EXOC4: variants seen among roughly 807,000 people sequenced by gnomAD.
EXOC4 encodes exocyst complex component 4.
Under a neutral mutation model 107.2 loss-of-function variants are expected in EXOC4, and 71 were observed. The observed-to-expected ratio is 0.66, with a 90% CI of 0.55 to 0.81. The LOEUF is 0.81. EXOC4 is among the 30% of genes least tolerant of loss of function. EXOC4 has a pLI of 0.00. For missense variants in EXOC4, 1,108 were observed against 1,189.6 expected (o/e 0.93, Z 1.01); for synonymous variants, 456 against 441.2 (o/e 1.03, Z -0.42).
At chr7:133,462,866 A>G (rs1427455763) in intron 7 of EXOC4, among the ~76,000 whole-genome samples, 2 of 152,200 alleles carry the variant, frequency 1.3e-5, no homozygotes, top group Non-Finnish European at 2.9e-5. Context: ...AAAAGAACCA[A>G]TAGGAACTCA....
intron 14 of EXOC4, among the ~76,000 whole-genome samples, chr7:133,959,781 A>G (rs948468217): frequency 5.9e-5 from 9 of 152,130 alleles, no homozygotes; most frequent in Non-Finnish European, 1.3e-4. Flanking sequence ...CAAAAGTGGC[A>G]GAGGAAGTTA....
intron 7 of EXOC4, among the ~76,000 whole-genome samples, chr7:133,434,858 C>A (rs1006509130): frequency 6.6e-6 from 1 of 152,060 alleles, no homozygotes; most frequent in Non-Finnish European, 1.5e-5. Flanking sequence ...CAATGGCTAT[C>A]TTTGTTCTGA....
chr7:133,837,340 T>TTGG (rs1797938991), intron 11 of EXOC4, among the ~76,000 whole-genome samples: 1 of 152,158 alleles, frequency 6.6e-6, no homozygotes, highest in African/African-American at 2.4e-5. Context: ...GCAGAGGGTA[T>TTGG]TGGACCTCTT....
At chr7:133,629,248 C>T (rs1472220923) in intron 9 of EXOC4, among the ~76,000 whole-genome samples, 2 of 151,764 alleles carry the variant, frequency 1.3e-5, no homozygotes, top group African/African-American at 4.8e-5. Context: ...AATAGTGTGT[C>T]TTATAATCAT....
chr7:133,435,605 G>A (rs750649194), intron 7 of EXOC4, among the ~76,000 whole-genome samples: 1 of 152,114 alleles, frequency 6.6e-6, no homozygotes, highest in South Asian at 2.1e-4. Flanking sequence ...CTTAGTTTCT[G>A]CTATTCTTAG....
rs534704590 is a variant in EXOC4, at chr7:133,382,507, T to C, written c.1182+7505T>C. 3.9e-5 allele frequency among the ~76,000 whole-genome samples: 6 copies of C among 152,296 alleles called. No homozygotes were observed. In the East Asian group the frequency reaches 1.2e-3, roughly 29 times the overall value. ...TTGGTTAAGTTTCTATGTACAGTTTTACACATGGGGCTGATTTAGTTTTCA... is the reference window on the plus strand; with the variant it reads ...TTGGTTAAGTTTCTATGTACAGTTTCACACATGGGGCTGATTTAGTTTTCA... On this transcript the variant is annotated intron_variant, in intron 7 of 17. Transcript: ENST00000253861.
intron 14 of EXOC4, among the ~76,000 whole-genome samples, chr7:133,996,866 AACTGTGGACATTCCGCAT>A (rs1214897164): frequency 6.6e-6 from 1 of 152,228 alleles, no homozygotes; most frequent in African/African-American, 2.4e-5. Flanking sequence ...ATGGGTGAAG[AACTGTGGACATTCCGCAT>A]AGAAAAGGGA....
chr7:133,356,535 T>TCA lies in EXOC4; in HGVS notation c.970_971dup (p.Gln324HisfsTer17). The stretch of plus-strand genomic sequence containing the variant: ...CAACCCAGGTGGCAGACAGTGGCTA[T>TCA]CAGCGGGGGGAGAACGTTACTGTGG... On this transcript the variant is annotated frameshift_variant, in exon 6 of 18. Transcript: ENST00000253861. LOFTEE classifies it high-confidence loss of function. 6.2e-7 allele frequency: 1 copy of TCA among 1,614,074 alleles called. No homozygotes were observed. Among genetic ancestry groups the TCA allele is most frequent in the Non-Finnish European group, 8.5e-7 (1 of 1,179,980 alleles).
intron 10 of EXOC4, among the ~76,000 whole-genome samples, chr7:133,799,696 A>G (rs1796892675): frequency 6.6e-6 from 1 of 152,200 alleles, no homozygotes; most frequent in African/African-American, 2.4e-5. Flanking sequence ...AGTAAAAGCC[A>G]TTGAAAGTTT....
chr7:133,742,118 A>G (rs1049772630), intron 10 of EXOC4, among the ~76,000 whole-genome samples: 9 of 152,322 alleles, frequency 5.9e-5, no homozygotes, highest in Non-Finnish European at 8.8e-5. Flanking sequence ...GTTGAATACC[A>G]GTCATTAGCC....
chr7:133,626,656 C>CT (rs1482653681), intron 9 of EXOC4, among the ~76,000 whole-genome samples: 1 of 152,174 alleles, frequency 6.6e-6, no homozygotes, highest in Non-Finnish European at 1.5e-5. Flanking sequence ...CCTTCTGTAG[C>CT]TAGCAGGGGT....
chr7:133,939,760 G>A (rs1430697222), intron 14 of EXOC4, among the ~76,000 whole-genome samples: 2 of 152,080 alleles, frequency 1.3e-5, no homozygotes, highest in Non-Finnish European at 2.9e-5. Flanking sequence ...GATAGTTTGG[G>A]CACAGTATTA....
chr7:133,360,492 C>T (rs145438874), intron 6 of EXOC4, among the ~76,000 whole-genome samples: 25 of 152,266 alleles, frequency 1.6e-4, no homozygotes, highest in Middle Eastern at 3.4e-3. Context: ...GAGTTGGAGC[C>T]GTTGCTTCCA....
rs1344407952 is a variant in EXOC4 at position 133,613,046 on chromosome 7, G to GA, written c.1418-16993dup. On this transcript the variant is annotated intron_variant, in intron 9 of 17. Transcript: ENST00000253861. ...AATGTTTGGAGATTACCTGTAGTTT[G>GA]AAAAAACTCAAGAGACAAAGTGTGT... Among the ~76,000 whole-genome samples the GA allele has an allele frequency of 2.0e-5, 3 of 151,830 alleles. No homozygotes were observed. In the East Asian group the frequency reaches 5.8e-4, roughly 29 times the overall value.
intron 10 of EXOC4, among the ~76,000 whole-genome samples, chr7:133,670,566 C>G (rs1793923787): frequency 6.6e-6 from 1 of 151,056 alleles, no homozygotes. Flanking sequence ...CCTCCAGAAA[C>G]TCTTTCCTAG....
chr7:133,716,359 C>T (rs939568753), intron 10 of EXOC4, among the ~76,000 whole-genome samples: 1 of 152,030 alleles, frequency 6.6e-6, no homozygotes, highest in Non-Finnish European at 1.5e-5. Context: ...TATATGGGAG[C>T]GAGTCTTGGG....
At chr7:134,050,830 T>A (rs142974582) in intron 17 of EXOC4, among the ~76,000 whole-genome samples, 1,756 of 152,240 alleles carry the variant, frequency 0.012, 36 homozygotes, top group African/African-American at 0.04. Flanking sequence ...AGGTTTTTTT[T>A]TTATTATTAT....
intron 10 of EXOC4, among the ~76,000 whole-genome samples, chr7:133,695,284 T>A (rs1404316231): frequency 6.6e-6 from 1 of 152,172 alleles, no homozygotes; most frequent in African/African-American, 2.4e-5. Context: ...CTATCTATGT[T>A]GTTGCAAATG....
At chr7:133,877,074 C>G (rs1163122518) in intron 11 of EXOC4, among the ~76,000 whole-genome samples, 1 of 151,802 alleles carries the variant, frequency 6.6e-6, no homozygotes, top group Non-Finnish European at 1.5e-5. Flanking sequence ...TCGCAGTTCG[C>G]TGACTCTCCT....
Sources: gnomAD v4.1 joint callset for allele counts (sites outside exome capture counted in the v4.1 genomes callset) on GRCh38, gnomAD v4.1.1 for gene constraint, MANE v1.5 for transcripts, NCBI Gene and HGNC (gene_info 2026-07-23, HGNC 2026-07-21) for gene names.